Variants in TNFRSF19 observed in about 807,000 individuals in gnomAD.
TNFRSF19 encodes the protein tumor necrosis factor receptor superfamily member 19.
Under a neutral mutation model 46.4 loss-of-function variants are expected in TNFRSF19, and 27 were observed. The ratio of observed to expected loss-of-function variants is 0.58; its 90% CI spans 0.43 to 0.80. The LOEUF is 0.80. Ranked by LOEUF, TNFRSF19 falls within the 30% of genes least tolerant of loss-of-function variation. The pLI is 0.00. For missense variants in TNFRSF19, 511 were observed against 530.8 expected (o/e 0.96, Z 0.37); for synonymous variants, 204 against 205.0 (o/e 1.00, Z 0.04).
In TNFRSF19 at chr13:23,581,388, C is replaced by T. The variant is rs191533429; in HGVS notation, c.-34-8762C>T. ...GTCTCAATCTCCTGACCGCGTGATC[C>T]GCCTGCCTCGACCTCCCAAAGTGCT... is the stretch of plus-strand genomic sequence containing the variant. On this transcript the variant is annotated intron_variant, in intron 1 of 9. Coordinates refer to ENST00000248484, the MANE Select transcript of TNFRSF19 (RefSeq NM_148957.4). Among the ~76,000 whole-genome samples, 474 of 152,042 alleles carry T rather than the reference C, an allele frequency of 3.1e-3. 6 individuals are homozygous for T. The highest frequency in any genetic ancestry group is 0.011 in the African/African-American group (453 of 41,470).
intron 3 of TNFRSF19, among the ~76,000 whole-genome samples, chr13:23,609,514 T>C (rs879322199): frequency 1.3e-5 from 2 of 152,186 alleles, no homozygotes; most frequent in East Asian, 1.9e-4. Context: ...ATGCCAACAG[T>C]GTGCTTGTAA....
At chr13:23,633,308 G>C (rs9510789) in intron 5 of TNFRSF19, among the ~76,000 whole-genome samples, 29,230 of 152,006 alleles carry the variant, frequency 0.19, 3,487 homozygotes, top group Non-Finnish European at 0.28. Flanking sequence ...AGCTGAGGTT[G>C]AATTCCTGAG....
intron 4 of TNFRSF19, among the ~76,000 whole-genome samples, chr13:23,626,327 C>T (rs1467105235): frequency 6.6e-6 from 1 of 151,806 alleles, no homozygotes; most frequent in Non-Finnish European, 1.5e-5. Flanking sequence ...TTTTCCGTTG[C>T]TTTTATGGTT....
At position 23,615,887 on chromosome 13, in the gene TNFRSF19, GGAGGATGCACAGTGTGT is replaced by G; in HGVS notation, c.204_220del (p.Glu68AspfsTer38). 6.2e-7 allele frequency: 1 copy of G among 1,609,308 alleles called. No individual in the cohort carries two copies. The highest frequency in any genetic ancestry group is 8.5e-7 in the Non-Finnish European group (1 of 1,177,284). On this transcript the variant is annotated frameshift_variant, in exon 4 of 10. Coordinates refer to ENST00000248484, the MANE Select transcript of TNFRSF19 (RefSeq NM_148957.4). LOFTEE classifies it high-confidence loss of function. The stretch of plus-strand genomic sequence containing the variant: ...CACAGGAATGTGGCTTCGGCTATGG[GGAGGATGCACAGTGTGT>G]GACGTGCCGGCTGCACAGGTTCAAG...
intron 3 of TNFRSF19, among the ~76,000 whole-genome samples, chr13:23,602,846 G>A (rs1230648505): frequency 6.6e-6 from 1 of 151,974 alleles, no homozygotes; most frequent in Non-Finnish European, 1.5e-5. Context: ...CAAAATTTGT[G>A]GGATGCAGTG....
intron 1 of TNFRSF19, among the ~76,000 whole-genome samples, chr13:23,572,762 G>A (rs886459353): frequency 1.3e-5 from 2 of 152,186 alleles, no homozygotes; most frequent in Admixed American, 6.5e-5. Context: ...TGAAGGTACA[G>A]GTACAGTCTC....
At position 23,657,974 on chromosome 13, in the gene TNFRSF19, C is replaced by T. The variant is rs146753204; in HGVS notation, c.446-1076C>T. 5.2e-4 allele frequency among the ~76,000 whole-genome samples: 79 copies of T among 152,150 alleles called. 1 individual carries two copies. In the East Asian group the frequency reaches 0.015, roughly 28 times the overall value. ...GGCTCCTGTGGTGAGCAGCACCTGC[C>T]GGGGAAGCAGAGTGAGGGCCCCTCA... On this transcript the variant is annotated intron_variant, in intron 5 of 9. Transcript: ENST00000248484.
chr13:23,669,008 G>A lies in TNFRSF19; in HGVS notation c.1156G>A (p.Ala386Thr), dbSNP rs1485806112. 2 of 1,614,106 alleles carry A rather than the reference G, an allele frequency of 1.2e-6. No individual in the cohort carries two copies. ...ATATAACAACACACTGGTAGAATCA[G>A]CATCAACTCAGGATGCACTAACTAT... is the stretch of plus-strand genomic sequence containing the variant. ...SRYNNTLVESASTQDALTMRS... is the reference protein window; with the variant it reads ...SRYNNTLVESTSTQDALTMRS... Residue 386 changes from alanine (A) to threonine (T), a missense_variant, in exon 9 of 10, where the codon GCA becomes ACA. This residue lies in a region of TNFRSF19 where 376 missense variants were observed against 372.7 expected (regional missense o/e 1.01). Coordinates refer to ENST00000248484, the MANE Select transcript of TNFRSF19 (RefSeq NM_148957.4).
intron 5 of TNFRSF19, among the ~76,000 whole-genome samples, chr13:23,657,001 T>C (rs1486863787): frequency 3.9e-5 from 6 of 152,192 alleles, no homozygotes; most frequent in Non-Finnish European, 7.3e-5. Flanking sequence ...AATGAACATT[T>C]AGTGTGTGCC....
chr13:23,660,240 A>C, intron 6 of TNFRSF19, 125 bp from the exon 7 acceptor site: 1 of 967,536 alleles, frequency 1.0e-6, no homozygotes, highest in Non-Finnish European at 1.5e-6. Context: ...GCTTCCATGT[A>C]AGAAGAAGTC....
chr13:23,667,056 ATGTGTGTGTCTTTG>A (rs1468463030), intron 7 of TNFRSF19, among the ~76,000 whole-genome samples: 1 of 149,126 alleles, frequency 6.7e-6, no homozygotes, highest in Non-Finnish European at 1.5e-5. Flanking sequence ...TCCTTTGTGT[ATGTGTGTGTCTTTG>A]TGTGTGTGTG....
At chr13:23,628,203 A>G (rs1882129244) in intron 5 of TNFRSF19, among the ~76,000 whole-genome samples, 1 of 152,292 alleles carries the variant, frequency 6.6e-6, no homozygotes, top group Non-Finnish European at 1.5e-5. Context: ...AATTCTTTCT[A>G]CCACAACGTA....
At chr13:23,651,873 T>A (rs1593287988) in intron 5 of TNFRSF19, among the ~76,000 whole-genome samples, 2 of 86,108 alleles carry the variant, frequency 2.3e-5, no homozygotes, top group Non-Finnish European at 4.9e-5. Flanking sequence ...CTCTAAATGG[T>A]TGGAAAGAAC....
At chr13:23,598,888 G>T (rs1056014485) in intron 3 of TNFRSF19, among the ~76,000 whole-genome samples, 2 of 152,148 alleles carry the variant, frequency 1.3e-5, no homozygotes, top group African/African-American at 4.8e-5. Context: ...TTTATTTAAA[G>T]GGACTTTTAA....
chr13:23,601,335 G>T (rs1257911036), intron 3 of TNFRSF19, among the ~76,000 whole-genome samples: 1 of 152,198 alleles, frequency 6.6e-6, no homozygotes, highest in Non-Finnish European at 1.5e-5. Context: ...AGAGAGTGCA[G>T]TGAAACATTT....
At chr13:23,571,622 G>A (rs1445082900) in intron 1 of TNFRSF19, among the ~76,000 whole-genome samples, 1 of 152,110 alleles carries the variant, frequency 6.6e-6, no homozygotes, top group Non-Finnish European at 1.5e-5. Context: ...AACTGTTTAT[G>A]AAAACTATCT....
chr13:23,626,687 T>C lies in TNFRSF19; in HGVS notation c.360-20T>C, dbSNP rs774536471. ...CTTAGATGAAAGAGTTAACAAGGAG[T>C]ATTTTCCTTTCTCTTCTAGATTTTA... On this transcript the variant is annotated intron_variant, in intron 4 of 9. Transcript: ENST00000248484. 6.2e-7 allele frequency: 1 copy of C among 1,610,964 alleles called. No homozygotes were observed. Among genetic ancestry groups the C allele is most frequent in the Middle Eastern group, 1.7e-4 (1 of 6,046 alleles).
In TNFRSF19 at chr13:23,623,208, C is replaced by G. The variant is rs761459838; in HGVS notation, c.360-3499C>G. ...TCATGTAATTGGAGTCATTCAGTAT[C>G]TGTCTTTTTATGACAGGCTTGTGTC... On this transcript the variant is annotated intron_variant, in intron 4 of 9. Transcript: ENST00000248484. 6.0e-4 allele frequency among the ~76,000 whole-genome samples: 92 copies of G among 152,322 alleles called. 2 individuals carry two copies. The highest frequency in any genetic ancestry group is 6.8e-3 in the Middle Eastern group (2 of 292).
intron 7 of TNFRSF19, 101 bp downstream of exon 7, chr13:23,660,591 G>T (rs1036726457): frequency 9.6e-6 from 13 of 1,356,052 alleles, no homozygotes; most frequent in African/African-American, 2.9e-5. Context: ...CGAGGTGGCT[G>T]TGTTGAGTCT....
Sources: gnomAD v4.1 joint callset for allele counts (sites outside exome capture counted in the v4.1 genomes callset) on GRCh38, gnomAD v4.1.1 for gene constraint, gnomAD v4.1.1 regional missense constraint, MANE v1.5 for transcripts, NCBI Gene and HGNC (gene_info 2026-07-23, HGNC 2026-07-21) for gene names.